CDH23: variants seen among roughly 807,000 people sequenced by gnomAD.
CDH23 encodes cadherin-23.
In CDH23, 189 loss-of-function variants were observed where a neutral mutation model predicts 317.1. The ratio of observed to expected loss-of-function variants is 0.60; its 90% confidence interval spans 0.53 to 0.67. The LOEUF is 0.67. CDH23 is among the 30% of genes least tolerant of loss of function. The pLI, the probability that CDH23 is intolerant of heterozygous loss-of-function variation, is 0.00. For synonymous variants in CDH23, 1,839 were observed against 1,876.8 expected, an observed-to-expected ratio of 0.98 and a Z score of 0.52; for missense variants, 4,401 against 4,592.4, an observed-to-expected ratio of 0.96 and a Z score of 1.20.
At chr10:71,587,022 ATG>A (rs1859117958) in intron 9 of CDH23, among the ~76,000 whole-genome samples, 1 of 152,170 alleles carries the variant, frequency 6.6e-6, no homozygotes, top group Non-Finnish European at 1.5e-5. Flanking sequence ...CTCTCTCTGG[ATG>A]TGTGCAAGAG....
At chr10:71,453,833 G>T (rs1204841865) in intron 3 of CDH23, among the ~76,000 whole-genome samples, 1 of 152,238 alleles carries the variant, frequency 6.6e-6, no homozygotes, top group Admixed American at 6.5e-5. Flanking sequence ...GGAGTCCAGT[G>T]GCTCCCGGAC....
At chr10:71,557,441 G>A (rs573008107) in intron 6 of CDH23, among the ~76,000 whole-genome samples, 1 of 152,324 alleles carries the variant, frequency 6.6e-6, no homozygotes, top group South Asian at 2.1e-4. Context: ...TTGATGTGGG[G>A]TGGGCATTGG....
chr10:71,606,779 T>C, intron 9 of CDH23, among the ~76,000 whole-genome samples: 1 of 151,958 alleles, frequency 6.6e-6, no homozygotes, highest in East Asian at 1.9e-4. Flanking sequence ...TGGGGAGGAA[T>C]CTGAGGAGTG....
intron 29 of CDH23, 98 bp downstream of exon 29, chr10:71,724,203 A>C: frequency 7.6e-7 from 1 of 1,322,100 alleles, no homozygotes; most frequent in Non-Finnish European, 1.1e-6. Flanking sequence ...AGGCCAAGAG[A>C]ACCCCCAGGG....
chr10:71,744,237 T>C (rs60200069), intron 38 of CDH23, among the ~76,000 whole-genome samples: 42 of 151,842 alleles, frequency 2.8e-4, no homozygotes, highest in African/African-American at 1.0e-3. Context: ...TCTGACAGCA[T>C]TTGCCACACT....
At chr10:71,603,920 T>C (rs936872240) in intron 9 of CDH23, among the ~76,000 whole-genome samples, 1 of 152,130 alleles carries the variant, frequency 6.6e-6, no homozygotes, top group Non-Finnish European at 1.5e-5. Context: ...TGAACAAACA[T>C]GTGAAGCGCT....
intron 3 of CDH23, among the ~76,000 whole-genome samples, chr10:71,472,361 T>C (rs1181353514): frequency 3.3e-5 from 5 of 152,246 alleles, no homozygotes; most frequent in Admixed American, 6.5e-5. Flanking sequence ...TGTGGCTTTC[T>C]GCTGGGCCTC....
chr10:71,612,825 T>C (rs1347898947), intron 9 of CDH23, among the ~76,000 whole-genome samples: 1 of 152,220 alleles, frequency 6.6e-6, no homozygotes, highest in Non-Finnish European at 1.5e-5. Flanking sequence ...ACCCTGTACG[T>C]TGAGTGCTGT....
intron 6 of CDH23, among the ~76,000 whole-genome samples, chr10:71,515,394 T>TCTCTCTCTCACACACA (rs1491490493): frequency 1.1e-4 from 3 of 26,630 alleles, no homozygotes; most frequent in African/African-American, 2.6e-4. Context: ...TCTCTCTCTC[T>TCTCTCTCTCACACACA]CACACACACA....
At position 71,803,335 on chromosome 10, in the gene CDH23, T is replaced by C; in HGVS notation, c.7787T>C (p.Met2596Thr). 1 of 1,596,498 alleles carries C rather than the reference T, an allele frequency of 6.3e-7. No homozygotes were observed. The highest frequency in any genetic ancestry group is 8.5e-7 in the Non-Finnish European group (1 of 1,171,758). ...GAGCCCCCACTCTGGGGCACCACCA[T>C]GCTCCTGGTGGAGGTCATCGACGTC... is the stretch of plus-strand genomic sequence containing the variant. ...GGEPPLWGTT[M>T]LLVEVIDVND... Residue 2596 changes from methionine (M) to threonine (T), a missense_variant, in exon 55 of 70, where the codon ATG becomes ACG. By Grantham distance (81) the Met-to-Thr change is moderately conservative (BLOSUM62 -1). Transcript: ENST00000224721.
At chr10:71,435,073 G>T (rs1849559772) in intron 1 of CDH23, among the ~76,000 whole-genome samples, 1 of 152,210 alleles carries the variant, frequency 6.6e-6, no homozygotes, top group African/African-American at 2.4e-5. Flanking sequence ...TGGGTCACAT[G>T]TCTGAGCTCA....
intron 40 of CDH23, among the ~76,000 whole-genome samples, chr10:71,778,920 G>C (rs574436203): frequency 2.6e-5 from 4 of 152,126 alleles, no homozygotes; most frequent in African/African-American, 9.7e-5. Flanking sequence ...ACCATGCCCA[G>C]CTAATGTATT....
chr10:71,807,192 A>T, intron 57 of CDH23, 85 bp from the exon 58 acceptor site: 1 of 1,529,004 alleles, frequency 6.5e-7, no homozygotes, highest in Non-Finnish European at 8.9e-7. Flanking sequence ...GCACCTACAA[A>T]GTCACTGCCC....
chr10:71,439,671 T>C (rs1849780940), intron 1 of CDH23, among the ~76,000 whole-genome samples, 156 bp from the exon 2 acceptor site: 1 of 152,198 alleles, frequency 6.6e-6, no homozygotes, highest in South Asian at 2.1e-4. Flanking sequence ...CTCTCCTTTC[T>C]CCCATGTGCT....
At chr10:71,702,742 G>T (rs536966775) in intron 24 of CDH23, 48 bp downstream of exon 24, 149 of 1,609,834 alleles carry the variant, frequency 9.3e-5, no homozygotes, top group Middle Eastern at 1.7e-4. Flanking sequence ...TGGGCAGTGG[G>T]TGCCTGAGGA....
chr10:71,778,800 G>A (rs756090587), intron 40 of CDH23, among the ~76,000 whole-genome samples: 20 of 152,174 alleles, frequency 1.3e-4, no homozygotes, highest in Non-Finnish European at 2.4e-4. Flanking sequence ...CTATCATCCA[G>A]GCTGGAGTGT....
intron 1 of CDH23, among the ~76,000 whole-genome samples, chr10:71,420,029 A>G (rs1195458752): frequency 6.6e-6 from 1 of 152,156 alleles, no homozygotes; most frequent in Non-Finnish European, 1.5e-5. Flanking sequence ...GCTGGTGCTC[A>G]GGAAGGGTTT....
chr10:71,608,661 G>A (rs1249243282), intron 9 of CDH23, among the ~76,000 whole-genome samples: 1 of 152,204 alleles, frequency 6.6e-6, no homozygotes, highest in Non-Finnish European at 1.5e-5. Flanking sequence ...TGAGACCCCA[G>A]CCCTTATCCT....
At chr10:71,679,322 C>T in intron 16 of CDH23, 65 bp from the exon 17 acceptor site, 1 of 777,964 alleles carries the variant, frequency 1.3e-6, no homozygotes, top group Admixed American at 2.0e-5. Context: ...CTCCCAGCTG[C>T]CCACCCTCTT....
Sources: gnomAD v4.1 joint callset for allele counts (sites outside exome capture counted in the v4.1 genomes callset) on GRCh38, gnomAD v4.1.1 for gene constraint, MANE v1.5 for transcripts, NCBI Gene and HGNC (gene_info 2026-07-23, HGNC 2026-07-21) for gene names.